Variants in RASGRF2 observed in about 807,000 individuals in gnomAD.
RASGRF2 encodes the protein Ras protein specific guanine nucleotide releasing factor 2, also known as ras-specific guanine nucleotide-releasing factor 2.
RASGRF2 carries 76 observed loss-of-function variants against 151.0 expected under a neutral mutation model. The observed-to-expected ratio is 0.50, with a 90% CI of 0.42 to 0.61. The LOEUF (loss-of-function observed/expected upper bound fraction) is 0.61, where lower values mean the gene tolerates loss of function less well. RASGRF2 is among the 20% of genes least tolerant of loss of function. The pLI is 0.00. For missense variants in RASGRF2, 1,148 were observed against 1,564.6 expected (o/e 0.73, Z 4.49); for synonymous variants, 504 against 566.5 (o/e 0.89, Z 1.57).
At chr5:81,030,879 A>G (rs1750216696) in intron 1 of RASGRF2, among the ~76,000 whole-genome samples, 1 of 152,228 alleles carries the variant, frequency 6.6e-6, no homozygotes, top group South Asian at 2.1e-4. Context: ...GTCAAGACCC[A>G]TCAGTGTGCT....
Position 81,053,373 on chromosome 5 carries a change from G to A in RASGRF2, c.395+10390G>A, listed in dbSNP as rs189999909. Among the ~76,000 whole-genome samples the A allele has an allele frequency of 5.4e-3, 813 of 149,688 alleles. 4 individuals carry two copies. Among genetic ancestry groups the A allele is most frequent in the Non-Finnish European group, 8.2e-3 (554 of 67,754 alleles). On this transcript the variant is annotated intron_variant, in intron 2 of 26. Coordinates refer to ENST00000265080, the MANE Select transcript of RASGRF2 (RefSeq NM_006909.3). ...TCCCACCTATGAGTGAGAACATGCG[G>A]TGTTTGGTTTTTTGCTCTTGCGATA...
Position 80,960,525 on chromosome 5 carries a change from C to A in RASGRF2, c.-214C>A, listed in dbSNP as rs1747507976. On this transcript the variant is annotated 5_prime_UTR_variant, in exon 1 of 27. Transcript: ENST00000265080. The surrounding 1 kb of genome is among the most constrained non-coding windows in gnomAD (Gnocchi z 5.5). ...TCGGCCGGGAGGGTGGTGGTTAGGGCGGAGAGCGTGCCTCGGCCCCAGCCC... is the reference window on the plus strand; with the variant it reads ...TCGGCCGGGAGGGTGGTGGTTAGGGAGGAGAGCGTGCCTCGGCCCCAGCCC... 3.5e-6 allele frequency: 1 copy of A among 284,034 alleles called. No homozygotes were observed. The highest frequency in any genetic ancestry group is 6.5e-5 in the East Asian group (1 of 15,358). 17.6% of individuals were successfully genotyped at this position (284,034 alleles called of 1,614,324 possible).
At chr5:81,030,019 T>C (rs1220841354) in intron 1 of RASGRF2, among the ~76,000 whole-genome samples, 1 of 152,184 alleles carries the variant, frequency 6.6e-6, no homozygotes, top group Non-Finnish European at 1.5e-5. Flanking sequence ...CAGGCTTCAG[T>C]AGCCAATTCG....
At chr5:81,135,327 TC>T in intron 17 of RASGRF2, among the ~76,000 whole-genome samples, 1 of 151,992 alleles carries the variant, frequency 6.6e-6, no homozygotes, top group East Asian at 1.9e-4. Context: ...AATAAAAAAG[TC>T]TACAGTTCCA....
intron 2 of RASGRF2, 31 bp downstream of exon 2, chr5:81,043,014 G>T: frequency 6.6e-7 from 1 of 1,524,556 alleles, no homozygotes; most frequent in South Asian, 1.2e-5. Context: ...TGTAGTACTT[G>T]ATTGTCTGGG....
Position 81,207,474 on chromosome 5 carries a change from G to C in RASGRF2, c.3071+125G>C. On this transcript the variant is annotated intron_variant, in intron 21 of 26. Coordinates refer to ENST00000265080, the MANE Select transcript of RASGRF2 (RefSeq NM_006909.3). ...GTTCCTGTGTGAGTATCTACCAGTTGTTTCCATCCATGGAACTGGCACGCC... is the reference window on the plus strand; with the variant it reads ...GTTCCTGTGTGAGTATCTACCAGTTCTTTCCATCCATGGAACTGGCACGCC... 5.1e-6 allele frequency: 4 copies of C among 782,034 alleles called. No individual in the cohort carries two copies. In the South Asian group the frequency reaches 5.4e-5, roughly 11 times the overall value. The allele number at this position is 782,034 out of a possible 1,614,324, so 48.4% of individuals were successfully genotyped here. A position where few individuals can be genotyped will look rare whatever the true frequency, so the allele number is the denominator to read the frequency against.
intron 17 of RASGRF2, among the ~76,000 whole-genome samples, chr5:81,155,695 A>T (rs4348195): frequency 9.2e-5 from 14 of 152,146 alleles, no homozygotes; most frequent in South Asian, 8.3e-4. Flanking sequence ...GAAAGAAAGA[A>T]GCACTGAACG....
chr5:81,165,609 A>C (rs915807349), intron 17 of RASGRF2, among the ~76,000 whole-genome samples: 1 of 152,236 alleles, frequency 6.6e-6, no homozygotes, highest in African/African-American at 2.4e-5. Context: ...AAGAATTTCC[A>C]GCACTGTTTT....
At position 81,151,608 on chromosome 5, in the gene RASGRF2, A is replaced by T. The variant is rs145907057; in HGVS notation, c.2686+24445A>T. Among the ~76,000 whole-genome samples, 131 of 152,232 alleles carry T rather than the reference A, an allele frequency of 8.6e-4. 1 individual carries two copies. Among genetic ancestry groups the T allele is most frequent in the African/African-American group, 3.0e-3 (124 of 41,538 alleles). ...TAGGATCAAGGAAAGCACCTCCAAG[A>T]TGCTCGAATACTTCCCTGTTGCTTT... On this transcript the variant is annotated intron_variant, in intron 17 of 26. Coordinates refer to ENST00000265080, the MANE Select transcript of RASGRF2 (RefSeq NM_006909.3).
At chr5:81,177,595 C>G (rs1197959308) in intron 17 of RASGRF2, among the ~76,000 whole-genome samples, 1 of 150,202 alleles carries the variant, frequency 6.7e-6, no homozygotes, top group African/African-American at 2.5e-5. Context: ...GGTGCTTGTG[C>G]CCAGTAAGAT....
chr5:80,996,147 T>G (rs1414077973), intron 1 of RASGRF2, among the ~76,000 whole-genome samples: 1 of 152,100 alleles, frequency 6.6e-6, no homozygotes, highest in African/African-American at 2.4e-5. Flanking sequence ...CCTTTGAACC[T>G]TAAATGTTTA....
intron 24 of RASGRF2, chr5:81,217,049 G>A (rs1414618139): frequency 4.5e-6 from 2 of 440,404 alleles, no homozygotes; most frequent in Admixed American, 2.8e-5. Flanking sequence ...AGTGTGGGCA[G>A]TTTACAAGTA....
chr5:80,998,371 C>T (rs1424227627), intron 1 of RASGRF2, among the ~76,000 whole-genome samples: 3 of 152,010 alleles, frequency 2.0e-5, no homozygotes, highest in East Asian at 1.9e-4. Flanking sequence ...TGTTTGATAC[C>T]GTACATTCTG....
At chr5:80,966,567 A>G (rs2112206799) in intron 1 of RASGRF2, among the ~76,000 whole-genome samples, 1 of 152,334 alleles carries the variant, frequency 6.6e-6, no homozygotes, top group African/African-American at 2.4e-5. Flanking sequence ...AGTTATAAAT[A>G]CATGAATTTG....
At chr5:81,036,929 C>A (rs909101160) in intron 1 of RASGRF2, among the ~76,000 whole-genome samples, 1 of 152,116 alleles carries the variant, frequency 6.6e-6, no homozygotes, top group Admixed American at 6.6e-5. Context: ...AAAGACATAC[C>A]TGAGACTGGG....
intron 16 of RASGRF2, 131 bp downstream of exon 16, chr5:81,123,898 G>A: frequency 8.1e-7 from 1 of 1,229,062 alleles, no homozygotes; most frequent in East Asian, 2.6e-5. Context: ...TTAATTGGAA[G>A]CAAATACAGT....
chr5:81,001,330 T>C (rs1022084671), intron 1 of RASGRF2, among the ~76,000 whole-genome samples: 5 of 152,232 alleles, frequency 3.3e-5, no homozygotes, highest in Non-Finnish European at 4.4e-5. Flanking sequence ...TTGCCTTTGT[T>C]AGGCTTCTTT....
intron 2 of RASGRF2, among the ~76,000 whole-genome samples, chr5:81,052,063 T>C (rs371600193): frequency 2.0e-4 from 31 of 152,220 alleles, no homozygotes; most frequent in Non-Finnish European, 4.3e-4. Context: ...TGAATTAATA[T>C]AGTTGTATCT....
intron 12 of RASGRF2, among the ~76,000 whole-genome samples, chr5:81,102,696 CAAA>C (rs35561550): frequency 7.7e-5 from 6 of 77,914 alleles, no homozygotes; most frequent in Admixed American, 1.4e-4. Flanking sequence ...CTCTGTCTCC[CAAA>C]AAAAAAAAAA....
Sources: gnomAD v4.1 joint callset for allele counts (sites outside exome capture counted in the v4.1 genomes callset) on GRCh38, gnomAD v4.1.1 for gene constraint, Gnocchi (gnomAD v3.1) non-coding constraint, MANE v1.5 for transcripts, NCBI Gene and HGNC (gene_info 2026-07-23, HGNC 2026-07-21) for gene names.